Variants in SH3BP1 observed in about 807,000 individuals in gnomAD.
SH3BP1 encodes SH3 domain binding protein 1.
In SH3BP1, 46 loss-of-function variants were observed where a neutral mutation model predicts 69.8. The ratio of observed to expected loss-of-function variants is 0.66; its 90% CI spans 0.52 to 0.84. SH3BP1 has a LOEUF of 0.84. Ranked by LOEUF, SH3BP1 falls within the 40% of genes least tolerant of loss-of-function variation. SH3BP1 has a pLI of 0.00. For missense variants in SH3BP1, 868 were observed against 930.9 expected (o/e 0.93, Z 0.88); for synonymous variants, 403 against 378.0 (o/e 1.07, Z -0.77).
chr22:37,647,906 C>T (rs574057328), intron 13 of SH3BP1, among the ~76,000 whole-genome samples: 23 of 152,312 alleles, frequency 1.5e-4, no homozygotes, highest in Non-Finnish European at 3.1e-4. Context: ...GAACTCCTGA[C>T]CTCAGGTGAT....
At chr22:37,643,077 C>G (rs779410210) in intron 5 of SH3BP1, 21 bp from the exon 6 acceptor site, 3 of 1,604,188 alleles carry the variant, frequency 1.9e-6, no homozygotes, top group Non-Finnish European at 2.6e-6. Context: ...AGCACACTGA[C>G]CCCCCCATGC....
In SH3BP1 at chr22:37,646,772, C is replaced by T. The variant is rs1302504228; in HGVS notation, c.925-46C>T. 5 of 1,257,652 alleles carry T rather than the reference C, an allele frequency of 4.0e-6. No individual in the cohort carries two copies. The South Asian group carries it at 5.9e-5, about 15-fold the overall frequency. 77.9% of individuals were successfully genotyped at this position (1,257,652 alleles called of 1,614,324 possible). ...CTACAAGTGCGCCAGGGTGTCCTGC[C>T]CTGCCCACCCCTCTGTGACCCTTGC... On this transcript the variant is annotated intron_variant, in intron 10 of 17. Transcript: ENST00000649765.
chr22:37,648,395 G>A lies in SH3BP1; in HGVS notation c.1276G>A (p.Val426Ile). 6.4e-7 allele frequency: 1 copy of A among 1,568,904 alleles called. No homozygotes were observed. The highest frequency in any genetic ancestry group is 8.6e-7 in the Non-Finnish European group (1 of 1,156,232). The change falls in exon 14 of 18, where the codon GTC becomes ATC. Residue 426 changes from valine to isoleucine, a missense_variant. This residue lies in a region of SH3BP1 where 474 missense variants were observed against 462.3 expected (regional missense o/e 1.03). Transcript: ENST00000649765. The stretch of plus-strand genomic sequence containing the variant: ...GATGACACCCAGCAACATCGCCATA[G>A]TCCTGGGACCCAACTTGCTGTGGCC... ...NKMTPSNIAI[V>I]LGPNLLWPPE...
At chr22:37,647,082 G>A (rs73422752) in intron 11 of SH3BP1, among the ~76,000 whole-genome samples, 153 bp downstream of exon 11, 2,427 of 152,274 alleles carry the variant, frequency 0.016, 70 homozygotes, top group African/African-American at 0.056. Flanking sequence ...TGAGCCCCCC[G>A]AAAATGTTTG....
intron 3 of SH3BP1, 144 bp downstream of exon 3, chr22:37,641,622 G>T: frequency 1.5e-6 from 1 of 681,184 alleles, no homozygotes; most frequent in Non-Finnish European, 2.5e-6. Context: ...GGCCCCTCTG[G>T]CACTGCACTC....
At chr22:37,643,196 G>A (rs1932673594) in intron 6 of SH3BP1, 22 bp downstream of exon 6, 2 of 1,593,204 alleles carry the variant, frequency 1.3e-6, no homozygotes, top group African/African-American at 1.3e-5. Flanking sequence ...AGCCGCTCAG[G>A]GGGCTCATAT....
intron 3 of SH3BP1, chr22:37,641,711 G>A (rs919613692): frequency 3.1e-5 from 16 of 520,600 alleles, no homozygotes; most frequent in Non-Finnish European, 5.4e-5. Flanking sequence ...CCAGGCTTCT[G>A]ACAGCACCTG....
chr22:37,650,837 T>C, intron 16 of SH3BP1, 112 bp downstream of exon 16: 1 of 1,368,028 alleles, frequency 7.3e-7, no homozygotes, highest in Non-Finnish European at 9.9e-7. Flanking sequence ...TTATTAGTGT[T>C]TTCATCCCAA....
chr22:37,641,098 T>TCCCC (rs751968178), intron 1 of SH3BP1, 28 bp from the exon 2 acceptor site: 10 of 948,042 alleles, frequency 1.1e-5, no homozygotes, highest in African/African-American at 4.2e-5. Context: ...AGAAGCACTC[T>TCCCC]CCCCCCCCCC....
At position 37,643,897 on chromosome 22, in the gene SH3BP1, G is replaced by A; in HGVS notation, c.618+109G>A. Reference sequence around the variant, plus strand: ...CAGAGAGGTGACATGACTTGCCTAAGGCCACGTGGCTAGGAGCCAGCAGAG... The same window carrying A: ...CAGAGAGGTGACATGACTTGCCTAAAGCCACGTGGCTAGGAGCCAGCAGAG... On this transcript the variant is annotated intron_variant, in intron 7 of 17. Coordinates refer to ENST00000649765, the MANE Select transcript of SH3BP1 (RefSeq NM_018957.6). The A allele has an allele frequency of 3.0e-6, 4 of 1,319,852 alleles. No homozygotes were observed. The South Asian group carries it at 3.8e-5, about 13-fold the overall frequency. The allele number at this position is 1,319,852 out of a possible 1,614,324, so 81.8% of individuals were successfully genotyped here.
chr22:37,647,197 G>A, intron 11 of SH3BP1, 70 bp from the exon 12 acceptor site: 8 of 1,367,302 alleles, frequency 5.9e-6, no homozygotes, highest in Non-Finnish European at 8.3e-6. Flanking sequence ...AGGGCCGGAG[G>A]TTCCTTCTAC....
rs1327724422 is a variant in SH3BP1 at position 37,653,778 on chromosome 22, G to T, written c.1599-1G>T. 1.9e-6 allele frequency: 3 copies of T among 1,611,180 alleles called. No homozygotes were observed. Among genetic ancestry groups the T allele is most frequent in the Non-Finnish European group, 2.5e-6 (3 of 1,177,870 alleles). ...GCCCCATCCTCTCCTTCCCTCTGCAGGACAGAGTCTGAGGTGCCTCCCAGA... is the reference window on the plus strand; with the variant it reads ...GCCCCATCCTCTCCTTCCCTCTGCATGACAGAGTCTGAGGTGCCTCCCAGA... On this transcript the variant is annotated splice_acceptor_variant, in intron 16 of 17. Coordinates refer to ENST00000649765, the MANE Select transcript of SH3BP1 (RefSeq NM_018957.6). LOFTEE classifies it high-confidence loss of function.
chr22:37,653,680 G>A (rs1932934469), intron 16 of SH3BP1, 99 bp from the exon 17 acceptor site: 1 of 788,226 alleles, frequency 1.3e-6, no homozygotes, highest in South Asian at 1.5e-5. Flanking sequence ...CGAGTGCTGG[G>A]AGGATCCGGA....
intron 17 of SH3BP1, among the ~76,000 whole-genome samples, chr22:37,654,435 G>A: frequency 6.6e-6 from 1 of 152,048 alleles, no homozygotes; most frequent in Non-Finnish European, 1.5e-5. Context: ...GCTGGGCATG[G>A]TTGCGGGTGC....
rs771007940 is a variant in SH3BP1 at position 37,647,515 on chromosome 22, A to G, written c.1193A>G (p.Asn398Ser). The G allele has an allele frequency of 1.2e-6, 2 of 1,601,576 alleles. No individual in the cohort carries two copies. The highest frequency in any genetic ancestry group is 2.2e-5 in the South Asian group (2 of 90,806). ...CGCCTACCCCCCGAGAACCTCAGCA[A>G]CCTCAGGTGAGCCCGAGCCCGCCTC... ...CSRLPPENLS[N>S]LRYLMKFLAR... The change falls in exon 13 of 18, where the codon AAC becomes AGC. Residue 398 changes from asparagine to serine, a missense_variant. Physicochemically the swap from Asn to Ser is conservative, Grantham distance 46. Around this residue, in one of 3 missense-constraint regions of SH3BP1, gnomAD observed 474 missense variants for 462.3 expected, o/e 1.03. Coordinates refer to ENST00000649765, the MANE Select transcript of SH3BP1 (RefSeq NM_018957.6).
chr22:37,655,443 C>CCGG lies in SH3BP1; in HGVS notation c.1865_1866insCGG (p.Pro622_Leu623insGly). 1.5e-6 allele frequency: 2 copies of CCGG among 1,312,330 alleles called. No homozygotes were observed. Among genetic ancestry groups the CCGG allele is most frequent in the Non-Finnish European group, 1.0e-6 (1 of 961,976 alleles). The allele number at this position is 1,312,330 out of a possible 1,614,324, so 81.3% of individuals were successfully genotyped here. A position where few individuals can be genotyped will look rare whatever the true frequency, so the allele number is the denominator to read the frequency against. On this transcript the variant is annotated inframe_insertion, in exon 18 of 18. Transcript: ENST00000649765. ...CTCCGAGCCCCCACAGTGCCACCCC[C>CCGG]GTTACCCCCCACACCCCCTCAGCCT...
chr22:37,644,841 C>G lies in SH3BP1; in HGVS notation c.688-29C>G, dbSNP rs370092704. The G allele has an allele frequency of 6.8e-6, 11 of 1,612,580 alleles. 1 individual carries two copies. In the South Asian group the frequency reaches 1.2e-4, roughly 18 times the overall value. ...ATAGAAGGCTCAGCTTCCCCCACTT[C>G]CGCTCAGGGTGTCCCTTCATCCCCA... On this transcript the variant is annotated intron_variant, in intron 8 of 17. Transcript: ENST00000649765.
At chr22:37,646,759 C>T in intron 10 of SH3BP1, 59 bp from the exon 11 acceptor site, 2 of 1,081,244 alleles carry the variant, frequency 1.8e-6, no homozygotes, top group South Asian at 3.3e-5. Context: ...ACAAGTGCGC[C>T]AGGGTGTCCT....
intron 8 of SH3BP1, 64 bp downstream of exon 8, chr22:37,644,769 ACTGGGGCT>A: frequency 6.2e-7 from 1 of 1,603,916 alleles, no homozygotes; most frequent in East Asian, 2.2e-5. Flanking sequence ...GCCAGGGGCC[ACTGGGGCT>A]CTAAGATGGT....
Sources: gnomAD v4.1 joint callset for allele counts (sites outside exome capture counted in the v4.1 genomes callset) on GRCh38, gnomAD v4.1.1 for gene constraint, gnomAD v4.1.1 regional missense constraint, MANE v1.5 for transcripts, NCBI Gene and HGNC (gene_info 2026-07-23, HGNC 2026-07-21) for gene names.